The following CSF2RA variants were observed in gnomAD, a reference collection of about 807,000 sequenced individuals.
The protein encoded by CSF2RA is granulocyte-macrophage colony-stimulating factor receptor subunit alpha.
In CSF2RA, 42 loss-of-function variants were observed where a neutral mutation model predicts 51.6. The ratio of observed to expected loss-of-function variants is 0.81; its 90% CI spans 0.64 to 1.05. The LOEUF is 1.05. Ranked by LOEUF, CSF2RA falls within the 50% of genes least tolerant of loss-of-function variation. CSF2RA has a pLI of 0.00. For missense variants in CSF2RA, 530 were observed against 501.1 expected, an observed-to-expected ratio of 1.06 and a Z score of -0.55; for synonymous variants, 222 against 193.0, an observed-to-expected ratio of 1.15 and a Z score of -1.24.
chrX:1,323,158 T>TATAAAATAAAATAAAATAATAAA, the CSF2RA span, among the ~76,000 whole-genome samples: 1 of 133,956 alleles, frequency 7.5e-6, no homozygotes, highest in Non-Finnish European at 1.5e-5. Flanking sequence ...ACATTACAAT[T>TATAAAATAAAATAAAATAATAAA]ATAAAATAAA....
intron 12 of CSF2RA, among the ~76,000 whole-genome samples, chrX:1,307,077 A>G (rs2083649193): frequency 6.6e-6 from 1 of 151,826 alleles, no homozygotes; most frequent in Non-Finnish European, 1.5e-5. Context: ...CTGAGACCCC[A>G]TTGGCGCTCC....
At chrX:1,313,950 G>T (rs779195439), downstream of CSF2RA, among the ~76,000 whole-genome samples, 1 of 151,918 alleles carries the variant, frequency 6.6e-6, no homozygotes, top group African/African-American at 2.4e-5. Flanking sequence ...CAGATCATGC[G>T]ATTGCACTCC....
the CSF2RA span, among the ~76,000 whole-genome samples, chrX:1,322,442 T>A: frequency 1.2e-5 from 1 of 83,462 alleles, no homozygotes; most frequent in African/African-American, 4.3e-5. Context: ...TGTGTTTGTT[T>A]TTTTTTTTTT....
chrX:1,298,821 G>A (rs1472957220), intron 9 of CSF2RA, among the ~76,000 whole-genome samples: 1 of 152,030 alleles, frequency 6.6e-6, no homozygotes, highest in Non-Finnish European at 1.5e-5. Context: ...TGATCAGGAG[G>A]AGACCCCACC....
intron 2 of CSF2RA, among the ~76,000 whole-genome samples, chrX:1,277,297 G>C (rs1421480072): frequency 6.6e-6 from 1 of 151,756 alleles, no homozygotes; most frequent in African/African-American, 2.4e-5. Context: ...TGGATCTCAC[G>C]CAAGAAAGAA....
chrX:1,324,739 G>C, the CSF2RA span, among the ~76,000 whole-genome samples: 1 of 152,130 alleles, frequency 6.6e-6, no homozygotes, highest in Admixed American at 6.6e-5. Flanking sequence ...CCTAACAAAG[G>C]CCTGTCTGAG....
the CSF2RA span, among the ~76,000 whole-genome samples, chrX:1,323,694 G>C: frequency 2.0e-5 from 3 of 151,708 alleles, no homozygotes; most frequent in Admixed American, 2.0e-4. Flanking sequence ...GGCTAGCCTG[G>C]GCAACATAGT....
chrX:1,269,412 A>G (rs2088041891), intron 1 of CSF2RA, among the ~76,000 whole-genome samples: 1 of 150,302 alleles, frequency 6.7e-6, no homozygotes, highest in Admixed American at 6.6e-5. Context: ...CCTGAGGTCG[A>G]CAGTTCGAGA....
chrX:1,285,453 G>A (rs1450613182), intron 3 of CSF2RA, among the ~76,000 whole-genome samples: 2 of 151,840 alleles, frequency 1.3e-5, no homozygotes, highest in African/African-American at 4.8e-5. Context: ...CAGCACTTCG[G>A]GAGGCTGAGG....
chrX:1,305,530 A>AG lies in CSF2RA; in HGVS notation c.1125+5dup. Reference sequence around the variant, plus strand: ...ATAACCATGAGGTGGAAGACGAGGTAGGCAGGGGTGGGCGGAGCAGTGACC... The same window carrying AG: ...ATAACCATGAGGTGGAAGACGAGGTAGGGCAGGGGTGGGCGGAGCAGTGACC... On this transcript the variant is annotated splice_donor_region_variant and intron_variant, in intron 12 of 12. Coordinates refer to ENST00000381529, the MANE Select transcript of CSF2RA (RefSeq NM_172245.4). 3.7e-6 allele frequency: 6 copies of AG among 1,613,954 alleles called. No individual in the cohort carries two copies. Among genetic ancestry groups the AG allele is most frequent in the Non-Finnish European group, 5.1e-6 (6 of 1,179,862 alleles).
chrX:1,314,269 G>GCCTAACCGCACTGCA (rs1569514716), downstream of CSF2RA, among the ~76,000 whole-genome samples: 1 of 15,952 alleles, frequency 6.3e-5, no homozygotes, highest in African/African-American at 1.9e-4. Flanking sequence ...ACCCCACTGC[G>GCCTAACCGCACTGCA]CCTGCCCAAC....
chrX:1,313,204 A>G (rs1415103505), downstream of CSF2RA, among the ~76,000 whole-genome samples: 2 of 152,068 alleles, frequency 1.3e-5, no homozygotes, highest in African/African-American at 4.8e-5. Flanking sequence ...CAGGTGGATC[A>G]CTTGAGGTCA....
chrX:1,309,099 G>C (rs374531039), intron 12 of CSF2RA, among the ~76,000 whole-genome samples: 1 of 152,050 alleles, frequency 6.6e-6, no homozygotes, highest in Non-Finnish European at 1.5e-5. Context: ...GGCGGCTAAA[G>C]GGGGAAAGGT....
the CSF2RA span, among the ~76,000 whole-genome samples, chrX:1,316,961 TA>T: frequency 1.3e-5 from 2 of 152,068 alleles, no homozygotes. Context: ...TTTCTTTTTT[TA>T]TTGAGACGGA....
the CSF2RA span, among the ~76,000 whole-genome samples, chrX:1,318,224 C>T: frequency 2.0e-5 from 3 of 149,178 alleles, no homozygotes; most frequent in African/African-American, 5.0e-5. Flanking sequence ...AGTGCAATGG[C>T]GTGATCTTGG....
intron 12 of CSF2RA, among the ~76,000 whole-genome samples, chrX:1,307,731 G>C (rs1376560879): frequency 1.7e-5 from 2 of 119,860 alleles, no homozygotes; most frequent in Admixed American, 8.6e-5. Context: ...CGACTGATTA[G>C]ATGAGGCCCG....
intron 9 of CSF2RA, among the ~76,000 whole-genome samples, chrX:1,296,981 G>C (rs377405588): frequency 0.025 from 617 of 24,792 alleles, no homozygotes; most frequent in East Asian, 0.031. Flanking sequence ...TGGCGGAACC[G>C]TACAGTCCCC....
At chrX:1,293,211 T>C (rs2091561954) in intron 7 of CSF2RA, among the ~76,000 whole-genome samples, 1 of 114,150 alleles carries the variant, frequency 8.8e-6, no homozygotes, top group South Asian at 2.5e-4. Flanking sequence ...ATCTTTCTTT[T>C]TGTTTGTTTG....
chrX:1,309,624 C>T lies in CSF2RA; in HGVS notation c.*145C>T, dbSNP rs750257726. 3.1e-5 allele frequency: 49 copies of T among 1,598,722 alleles called. 1 individual carries two copies. Among genetic ancestry groups the T allele is most frequent in the South Asian group, 2.8e-4 (25 of 90,720 alleles). On this transcript the variant is annotated 3_prime_UTR_variant, in exon 13 of 13. Coordinates refer to ENST00000381529, the MANE Select transcript of CSF2RA (RefSeq NM_172245.4). ...ATTTGGGGCCAGGCGCGGTGGCTCA[C>T]GCCTGTAATCCCAGCACTTTGGGAG...
Sources: allele counts gnomAD v4.1 joint callset (sites outside exome capture counted in the v4.1 genomes callset), GRCh38; gene constraint gnomAD v4.1.1; transcripts MANE v1.5; gene names NCBI Gene and HGNC (gene_info 2026-07-23, HGNC 2026-07-21).